Variants in SLC5A11 observed in about 807,000 individuals in gnomAD.
The protein encoded by SLC5A11 is sodium/myo-inositol cotransporter 2.
A neutral mutation model predicts 69.8 loss-of-function variants in SLC5A11; 48 were observed. The observed-to-expected ratio is 0.69, with a 90% CI of 0.55 to 0.87. The LOEUF is 0.87. SLC5A11 is among the 40% of genes least tolerant of loss of function. The pLI is 0.00. For synonymous variants in SLC5A11, 319 were observed against 342.4 expected (o/e 0.93, Z 0.75); for missense variants, 784 against 866.1 (o/e 0.91, Z 1.19).
At chr16:24,898,011 C>A (rs1183075626) in exon 10 of SLC5A11, 2 of 1,614,146 alleles carry the variant, frequency 1.2e-6, no homozygotes, top group Non-Finnish European at 1.7e-6. Flanking sequence ...AAGAACCTGT[C>A]CCATGCCAAA....
chr16:24,848,670 A>G (rs1426163613), intron 1 of SLC5A11, among the ~76,000 whole-genome samples: 1 of 152,090 alleles, frequency 6.6e-6, no homozygotes, highest in African/African-American at 2.4e-5. Context: ...TACTTGGGAG[A>G]CGGAGGTGGG....
At chr16:24,894,206 C>T (rs545311059) in intron 9 of SLC5A11, among the ~76,000 whole-genome samples, 85 of 152,252 alleles carry the variant, frequency 5.6e-4, no homozygotes, top group Middle Eastern at 3.4e-3. Context: ...ACTCATTGCA[C>T]CACACCTATT....
chr16:24,858,754 C>G lies in SLC5A11; in HGVS notation c.111C>G (p.Leu37=), dbSNP rs752228302. The G allele has an allele frequency of 6.8e-6, 11 of 1,611,474 alleles. No homozygotes were observed. The South Asian group carries it at 1.0e-4, about 15-fold the overall frequency. Residue 37 remains leucine, a synonymous_variant, in exon 2 of 16, where the codon CTC becomes CTG. Coordinates refer to ENST00000347898, the Ensembl canonical transcript of SLC5A11. Reference sequence around the variant, plus strand: ...TCGCGGTGCTAGTTCTGTACTTCCTCTTTGTCCTGGCTGTTGGACTATGGG... The same window carrying G: ...TCGCGGTGCTAGTTCTGTACTTCCTGTTTGTCCTGGCTGTTGGACTATGGG...
intron 1 of SLC5A11, among the ~76,000 whole-genome samples, chr16:24,849,587 A>ATATATAT (rs1446103229): frequency 1.2e-4 from 10 of 81,862 alleles, no homozygotes; most frequent in Non-Finnish European, 2.7e-4. Flanking sequence ...AAAAAAAAAA[A>ATATATAT]AAAAAAATAT....
At chr16:24,907,262 A>G (rs1435750118) in intron 12 of SLC5A11, 87 bp downstream of exon 13, 9 of 1,475,832 alleles carry the variant, frequency 6.1e-6, no homozygotes, top group Middle Eastern at 1.8e-4. Context: ...CCAGCAACCT[A>G]TCCAGGCTGA....
At chr16:24,859,522 A>G (rs1310332345) in intron 2 of SLC5A11, among the ~76,000 whole-genome samples, 2 of 152,160 alleles carry the variant, frequency 1.3e-5, no homozygotes, top group African/African-American at 2.4e-5. Flanking sequence ...AAAAATCTCA[A>G]TATTAGCCTT....
intron 8 of SLC5A11, among the ~76,000 whole-genome samples, chr16:24,889,881 T>A (rs2048663684): frequency 6.6e-6 from 1 of 152,084 alleles, no homozygotes; most frequent in Non-Finnish European, 1.5e-5. Context: ...ATAAATAAAT[T>A]ACTATGTCAC....
At chr16:24,888,321 T>C (rs1195716519) in intron 8 of SLC5A11, among the ~76,000 whole-genome samples, 2 of 152,028 alleles carry the variant, frequency 1.3e-5, no homozygotes, top group African/African-American at 2.4e-5. Context: ...TTACAGACTA[T>C]GCAGAGAAAA....
At chr16:24,900,761 T>C (rs1389768597) in intron 10 of SLC5A11, among the ~76,000 whole-genome samples, 2 of 151,732 alleles carry the variant, frequency 1.3e-5, no homozygotes, top group African/African-American at 4.8e-5. Flanking sequence ...AAAAACAATT[T>C]TTAAAAATTA....
intron 9 of SLC5A11, among the ~76,000 whole-genome samples, chr16:24,894,099 G>A (rs1432211436): frequency 1.3e-5 from 2 of 152,170 alleles, no homozygotes; most frequent in Non-Finnish European, 2.9e-5. Context: ...AGATGAGAGA[G>A]CTGAGCCTGG....
At chr16:24,847,113 TCTTTC>T (rs759054258) in intron 1 of SLC5A11, among the ~76,000 whole-genome samples, 6 of 152,328 alleles carry the variant, frequency 3.9e-5, no homozygotes, top group East Asian at 1.9e-4. Flanking sequence ...ATTTTCTTTT[TCTTTC>T]CTTTCTTTCT....
intron 4 of SLC5A11, among the ~76,000 whole-genome samples, chr16:24,871,301 C>T (rs189312848): frequency 8.9e-4 from 136 of 152,204 alleles, no homozygotes; most frequent in African/African-American, 3.1e-3. Context: ...GACAGGGTCT[C>T]GCTCTGTCGC....
chr16:24,867,633 A>G (rs2046997086), intron 3 of SLC5A11, among the ~76,000 whole-genome samples: 1 of 152,186 alleles, frequency 6.6e-6, no homozygotes, highest in Admixed American at 6.5e-5. Context: ...AGATTAAGAA[A>G]AACAAGACAG....
At chr16:24,909,448 T>C (rs1216219920) in intron 14 of SLC5A11, among the ~76,000 whole-genome samples, 1 of 151,806 alleles carries the variant, frequency 6.6e-6, no homozygotes, top group Non-Finnish European at 1.5e-5. Flanking sequence ...GAGACCAGCC[T>C]GGGCAATATA....
chr16:24,908,974 G>A (rs1330932171), exon 14 of SLC5A11: 1 of 1,614,162 alleles, frequency 6.2e-7, no homozygotes, highest in Non-Finnish European at 8.5e-7. Flanking sequence ...CGACCAGCCA[G>A]ATGAGCGCCC....
At chr16:24,887,714 G>GT (rs1262350549) in intron 8 of SLC5A11, among the ~76,000 whole-genome samples, 5 of 152,178 alleles carry the variant, frequency 3.3e-5, no homozygotes, top group Non-Finnish European at 5.9e-5. Context: ...CTGTGTGGCT[G>GT]TTTGTTCTGT....
intron 14 of SLC5A11, among the ~76,000 whole-genome samples, chr16:24,909,399 G>A (rs1255193050): frequency 6.6e-6 from 1 of 151,986 alleles, no homozygotes; most frequent in Non-Finnish European, 1.5e-5. Flanking sequence ...CAGCACTTCG[G>A]GAAGCTGAGA....
intron 1 of SLC5A11, among the ~76,000 whole-genome samples, chr16:24,849,593 A>AAAAAAAAAAAAAAAAATAGATATAT: frequency 2.8e-5 from 1 of 35,922 alleles, no homozygotes; most frequent in Non-Finnish European, 5.6e-5. Context: ...AAAAAAAAAA[A>AAAAAAAAAAAAAAAAATAGATATAT]ATATATATAT....
chr16:24,851,726 C>A (rs117862266), intron 1 of SLC5A11, among the ~76,000 whole-genome samples: 1 of 152,070 alleles, frequency 6.6e-6, no homozygotes, highest in Non-Finnish European at 1.5e-5. Context: ...AAACCTGTGA[C>A]GTATGTCTAA....
Sources: gnomAD v4.1 joint callset for allele counts (sites outside exome capture counted in the v4.1 genomes callset) on GRCh38, gnomAD v4.1.1 for gene constraint, MANE v1.5 for transcripts, NCBI Gene and HGNC (gene_info 2026-07-23, HGNC 2026-07-21) for gene names.